EHBP1: variants seen among roughly 807,000 people sequenced by gnomAD.
EHBP1 encodes EH domain binding protein 1.
A neutral mutation model predicts 144.0 loss-of-function variants in EHBP1; 55 were observed. The ratio of observed to expected loss-of-function variants is 0.38; its 90% CI spans 0.31 to 0.48. The LOEUF is 0.48. EHBP1 is among the 20% of genes least tolerant of loss of function. The probability of loss-of-function intolerance (pLI) is 0.98; values close to 1 mark genes in which losing one functional copy is unlikely to be tolerated. For missense variants in EHBP1, 1,200 were observed against 1,364.2 expected (o/e 0.88, Z 1.90); for synonymous variants, 469 against 472.7 (o/e 0.99, Z 0.10).
At chr2:62,746,898 C>T (rs1028091415) in intron 2 of EHBP1, among the ~76,000 whole-genome samples, 1 of 151,622 alleles carries the variant, frequency 6.6e-6, no homozygotes. Context: ...TTTTCAGTAC[C>T]GTATTGTTTT....
At chr2:62,825,939 T>C (rs2046315999) in intron 5 of EHBP1, 148 bp from the exon 6 acceptor site, 1 of 518,774 alleles carries the variant, frequency 1.9e-6, no homozygotes. Context: ...AACTTCATTG[T>C]AATTTTATTT....
intron 5 of EHBP1, among the ~76,000 whole-genome samples, chr2:62,823,319 A>C (rs959710876): frequency 6.6e-6 from 1 of 152,126 alleles, no homozygotes; most frequent in South Asian, 2.1e-4. Flanking sequence ...TTCAGCACTC[A>C]CTTTTGTATT....
chr2:62,903,765 TGAAGAAGGAGAAGGA>T (rs2053587878), intron 10 of EHBP1, among the ~76,000 whole-genome samples: 1 of 134,638 alleles, frequency 7.4e-6, no homozygotes, highest in Admixed American at 7.7e-5. Flanking sequence ...GACCCTGCCT[TGAAGAAGGAGAAGGA>T]GAAGGAGGAG....
chr2:63,030,570 C>T (rs1419605169), intron 19 of EHBP1, among the ~76,000 whole-genome samples: 1 of 152,006 alleles, frequency 6.6e-6, no homozygotes, highest in Non-Finnish European at 1.5e-5. Flanking sequence ...CCACTGCAAG[C>T]TCCACCTCCC....
intron 13 of EHBP1, among the ~76,000 whole-genome samples, chr2:62,955,220 C>T (rs1414374026): frequency 1.3e-5 from 2 of 151,942 alleles, no homozygotes; most frequent in African/African-American, 4.8e-5. Flanking sequence ...TGAGCAAATA[C>T]TGAGAATATA....
intron 2 of EHBP1, among the ~76,000 whole-genome samples, chr2:62,720,830 TA>T (rs532976837): frequency 1.3e-5 from 2 of 152,126 alleles, no homozygotes; most frequent in East Asian, 1.9e-4. Flanking sequence ...TGATGAGCTT[TA>T]AAAAAAACTC....
chr2:63,004,314 G>A (rs1349259105), intron 19 of EHBP1, among the ~76,000 whole-genome samples: 1 of 151,962 alleles, frequency 6.6e-6, no homozygotes, highest in Non-Finnish European at 1.5e-5. Context: ...TATCTTCTGG[G>A]ATGAAAGATC....
chr2:62,977,123 C>T (rs2058751373), intron 14 of EHBP1, among the ~76,000 whole-genome samples: 1 of 151,492 alleles, frequency 6.6e-6, no homozygotes, highest in Non-Finnish European at 1.5e-5. Context: ...TGCACCATTG[C>T]CTGATTAATC....
intron 14 of EHBP1, among the ~76,000 whole-genome samples, chr2:62,971,791 G>T (rs1045864514): frequency 4.6e-5 from 7 of 152,144 alleles, no homozygotes; most frequent in African/African-American, 1.7e-4. Flanking sequence ...GTTACAAATT[G>T]TAAAAAGATA....
At chr2:62,951,925 G>T (rs182103411) in intron 13 of EHBP1, among the ~76,000 whole-genome samples, 1 of 152,304 alleles carries the variant, frequency 6.6e-6, no homozygotes, top group Admixed American at 6.5e-5. Context: ...CTGGGAATCA[G>T]TAAGCCTGGA....
intron 5 of EHBP1, among the ~76,000 whole-genome samples, chr2:62,819,950 C>T (rs1287888971): frequency 6.6e-6 from 1 of 151,604 alleles, no homozygotes; most frequent in African/African-American, 2.4e-5. Context: ...GTGGCTCATG[C>T]CTATAATCCC....
intron 5 of EHBP1, among the ~76,000 whole-genome samples, chr2:62,808,304 T>G (rs2044676302): frequency 6.6e-6 from 1 of 151,776 alleles, no homozygotes; most frequent in Admixed American, 6.6e-5. Context: ...TTGGCTACTC[T>G]ATTTTTTTTT....
At position 62,993,938 on chromosome 2, in the gene EHBP1, T is replaced by C; in HGVS notation, c.2940T>C (p.Thr980=). ...KKGNEEKAAI[T]ETQRKPSEDE... Reference sequence around the variant, plus strand: ...GAAATGAGGAGAAGGCAGCGATAACTGAAACTCAGAGGAAGCCATCAGAAG... The same window carrying C: ...GAAATGAGGAGAAGGCAGCGATAACCGAAACTCAGAGGAAGCCATCAGAAG... Residue 980 remains threonine (T), a synonymous_variant, in exon 18 of 23, where the codon ACT becomes ACC. Coordinates refer to ENST00000431489, the MANE Select transcript of EHBP1 (RefSeq NM_001142616.3). The C allele has an allele frequency of 6.3e-7, 1 of 1,588,754 alleles. No homozygotes were observed.
intron 9 of EHBP1, among the ~76,000 whole-genome samples, chr2:62,869,598 A>G (rs1381442812): frequency 6.6e-6 from 1 of 152,194 alleles, no homozygotes; most frequent in African/African-American, 2.4e-5. Context: ...GAAAAAACAG[A>G]TCAGTAGTTG....
At chr2:62,951,544 G>GGC (rs1553485996) in intron 13 of EHBP1, among the ~76,000 whole-genome samples, 1 of 140,678 alleles carries the variant, frequency 7.1e-6, no homozygotes, top group Non-Finnish European at 1.6e-5. Context: ...TGGGGGGGGG[G>GGC]GGTGGAGTCT....
intron 2 of EHBP1, among the ~76,000 whole-genome samples, chr2:62,744,899 G>T (rs886141239): frequency 2.0e-5 from 3 of 152,014 alleles, no homozygotes; most frequent in African/African-American, 7.2e-5. Context: ...TGTCAGCCTT[G>T]GCTGCACATT....
intron 2 of EHBP1, among the ~76,000 whole-genome samples, chr2:62,745,788 C>T (rs1313300694): frequency 3.9e-5 from 6 of 152,012 alleles, no homozygotes; most frequent in African/African-American, 1.4e-4. Context: ...ATCTGGACAG[C>T]ATAGGCCTTG....
chr2:62,931,971 G>A (rs1215562516), intron 10 of EHBP1, among the ~76,000 whole-genome samples: 2 of 152,034 alleles, frequency 1.3e-5, no homozygotes, highest in African/African-American at 4.8e-5. Context: ...TCAGTCAGGA[G>A]TTCAAGACCA....
In EHBP1 at chr2:63,045,090, A is replaced by G. The variant is rs764937050; in HGVS notation, c.3302A>G (p.Lys1101Arg). The G allele has an allele frequency of 1.3e-6, 2 of 1,573,982 alleles. No homozygotes were observed. Among genetic ancestry groups the G allele is most frequent in the South Asian group, 1.2e-5 (1 of 85,750 alleles). The change falls in exon 22 of 23, where the codon AAG becomes AGG. Residue 1101 changes from lysine to arginine, a missense_variant. Transcript: ENST00000431489. The surrounding 1 kb of genome is among the most constrained non-coding windows in gnomAD (Gnocchi z 5.7). Reference protein sequence around the residue: ...IEDWQKTEAQKRREQLLLDEL... With the variant: ...IEDWQKTEAQRRREQLLLDEL... ...GACTGGCAGAAGACCGAGGCCCAGAAGCGACGCGAACAGCTTCTGCTAGAT... is the reference window on the plus strand; with the variant it reads ...GACTGGCAGAAGACCGAGGCCCAGAGGCGACGCGAACAGCTTCTGCTAGAT...
Sources: allele counts gnomAD v4.1 joint callset (sites outside exome capture counted in the v4.1 genomes callset), GRCh38; gene constraint gnomAD v4.1.1; non-coding constraint Gnocchi (gnomAD v3.1); transcripts MANE v1.5; gene names NCBI Gene and HGNC (gene_info 2026-07-23, HGNC 2026-07-21).